ADAM23: variants seen among roughly 807,000 people sequenced by gnomAD.
ADAM23 encodes ADAM metallopeptidase domain 23.
In ADAM23, 33 loss-of-function variants were observed where a neutral mutation model predicts 120.1. The observed-to-expected ratio is 0.27, with a 90% CI of 0.21 to 0.37. ADAM23 has a LOEUF of 0.37. Among genes scored for constraint, ADAM23 ranks in the 10% least tolerant of loss-of-function variants. The pLI is 1.00. For synonymous variants in ADAM23, 367 were observed against 375.2 expected (o/e 0.98, Z 0.25); for missense variants, 862 against 1,058.2 (o/e 0.81, Z 2.57).
chr2:206,583,330 T>C (rs1458924767), intron 18 of ADAM23, among the ~76,000 whole-genome samples: 1 of 151,952 alleles, frequency 6.6e-6, no homozygotes, highest in African/African-American at 2.4e-5. Context: ...AACGAGCGCC[T>C]ATAGTCCCAG....
chr2:206,530,621 G>GAAA (rs5838028), intron 3 of ADAM23, among the ~76,000 whole-genome samples: 1 of 98,542 alleles, frequency 1.0e-5, no homozygotes, highest in Non-Finnish European at 1.9e-5. Flanking sequence ...GTCTCAAAAA[G>GAAA]AAAAAAAAAA....
At chr2:206,510,224 A>T (rs1696594180) in intron 3 of ADAM23, among the ~76,000 whole-genome samples, 1 of 152,218 alleles carries the variant, frequency 6.6e-6, no homozygotes. Flanking sequence ...GGCTTAATAA[A>T]TATTAAATTT....
Position 206,589,923 on chromosome 2 carries a change from A to G in ADAM23, c.1958+409A>G, listed in dbSNP as rs146873443. On this transcript the variant is annotated intron_variant, in intron 21 of 25. Transcript: ENST00000264377. ...GTATATATTTTTGCGACCAACGTGAAATCTTACTGTGTTTTTTATCATTTC... is the reference window on the plus strand; with the variant it reads ...GTATATATTTTTGCGACCAACGTGAGATCTTACTGTGTTTTTTATCATTTC... Among the ~76,000 whole-genome samples the G allele has an allele frequency of 2.4e-3, 368 of 152,310 alleles. 5 individuals carry two copies. Among genetic ancestry groups the G allele is most frequent in the African/African-American group, 8.3e-3 (347 of 41,568 alleles).
intron 6 of ADAM23, among the ~76,000 whole-genome samples, chr2:206,546,467 T>C (rs980636468): frequency 6.6e-6 from 1 of 152,196 alleles, no homozygotes; most frequent in African/African-American, 2.4e-5. Context: ...AAAACTGTTA[T>C]AAGTTTTATG....
chr2:206,555,593 A>G (rs1179113455), intron 9 of ADAM23, among the ~76,000 whole-genome samples: 1 of 152,182 alleles, frequency 6.6e-6, no homozygotes, highest in Admixed American at 6.5e-5. Flanking sequence ...ACAAATATGA[A>G]ATAAATTTAA....
At chr2:206,469,101 A>G (rs72933238) in intron 2 of ADAM23, among the ~76,000 whole-genome samples, 7,378 of 152,310 alleles carry the variant, frequency 0.048, 242 homozygotes, top group Middle Eastern at 0.11. Context: ...CACCTCCAAC[A>G]TTGGGGATTA....
chr2:206,493,703 CAA>C (rs367548206), intron 3 of ADAM23, among the ~76,000 whole-genome samples: 2,170 of 152,304 alleles, frequency 0.014, 51 homozygotes, highest in African/African-American at 0.049. Context: ...ACAATTTCTA[CAA>C]AAAGTTTCAC....
chr2:206,456,965 T>C (rs1695313937), intron 2 of ADAM23, among the ~76,000 whole-genome samples: 1 of 152,190 alleles, frequency 6.6e-6, no homozygotes, highest in Admixed American at 6.5e-5. Flanking sequence ...GGGTGCTTTG[T>C]GCTGTCTTTT....
chr2:206,583,098 C>T (rs1698250073), intron 18 of ADAM23, among the ~76,000 whole-genome samples: 1 of 152,172 alleles, frequency 6.6e-6, no homozygotes, highest in South Asian at 2.1e-4. Context: ...GTCTAGGTCT[C>T]TCACAAGGCC....
chr2:206,503,522 T>G (rs1696433348), intron 3 of ADAM23, among the ~76,000 whole-genome samples: 1 of 152,114 alleles, frequency 6.6e-6, no homozygotes, highest in African/African-American at 2.4e-5. Flanking sequence ...ATATTTTGAC[T>G]TACATTCTGC....
At chr2:206,499,006 G>C (rs1696321245) in intron 3 of ADAM23, among the ~76,000 whole-genome samples, 1 of 152,162 alleles carries the variant, frequency 6.6e-6, no homozygotes, top group South Asian at 2.1e-4. Flanking sequence ...ACAGGTGCTG[G>C]AGAGGATGTG....
chr2:206,577,962 G>C (rs967266749), intron 18 of ADAM23, among the ~76,000 whole-genome samples: 3 of 151,630 alleles, frequency 2.0e-5, no homozygotes, highest in Non-Finnish European at 4.4e-5. Context: ...ATTCTAACTG[G>C]TGTGAGATGA....
At chr2:206,463,891 A>G (rs1474167185) in intron 2 of ADAM23, among the ~76,000 whole-genome samples, 1 of 152,258 alleles carries the variant, frequency 6.6e-6, no homozygotes, top group Admixed American at 6.5e-5. Context: ...ATTCCCTCTC[A>G]TTGCTTGCTG....
chr2:206,552,342 A>C (rs1697544935), intron 9 of ADAM23, among the ~76,000 whole-genome samples: 1 of 152,194 alleles, frequency 6.6e-6, no homozygotes, highest in Non-Finnish European at 1.5e-5. Context: ...CAATCAAAAG[A>C]GCAAATCTCA....
At chr2:206,457,335 A>G (rs1042097326) in intron 2 of ADAM23, among the ~76,000 whole-genome samples, 4 of 152,206 alleles carry the variant, frequency 2.6e-5, no homozygotes, top group Non-Finnish European at 5.9e-5. Flanking sequence ...AAGTCAGGTC[A>G]GTTTGCTAGA....
intron 24 of ADAM23, among the ~76,000 whole-genome samples, chr2:206,599,220 A>G (rs951410148): frequency 1.8e-4 from 27 of 151,854 alleles, no homozygotes; most frequent in Non-Finnish European, 3.4e-4. Context: ...AAAAAAAAAA[A>G]AGAGATAAGC....
intron 11 of ADAM23, 41 bp from the exon 12 acceptor site, chr2:206,561,087 T>C (rs752695450): frequency 9.0e-6 from 14 of 1,563,338 alleles, no homozygotes; most frequent in East Asian, 6.7e-5. Context: ...GAAATGATGG[T>C]CCACCACGTT....
Position 206,516,636 on chromosome 2 carries a change from G to T in ADAM23, c.510-14249G>T, listed in dbSNP as rs1296011054. The stretch of plus-strand genomic sequence containing the variant: ...AAAAAAGAGAGGACTTCACCCCTTT[G>T]CCCTCATCTAAACCTAATTACCTCC... On this transcript the variant is annotated intron_variant, in intron 3 of 25. Transcript: ENST00000264377. Among the ~76,000 whole-genome samples, 15 of 152,072 alleles carry T rather than the reference G, an allele frequency of 9.9e-5. No homozygotes were observed. The South Asian group carries it at 3.1e-3, about 32-fold the overall frequency.
At chr2:206,451,854 G>A (rs550763147) in intron 2 of ADAM23, among the ~76,000 whole-genome samples, 3 of 152,258 alleles carry the variant, frequency 2.0e-5, no homozygotes, top group East Asian at 1.9e-4. Context: ...AGAGATGAGC[G>A]CATATTGATT....
Sources: gnomAD v4.1 joint callset for allele counts (sites outside exome capture counted in the v4.1 genomes callset) on GRCh38, gnomAD v4.1.1 for gene constraint, MANE v1.5 for transcripts, NCBI Gene and HGNC (gene_info 2026-07-23, HGNC 2026-07-21) for gene names.